Variants in PRKCB observed in about 807,000 individuals in gnomAD.
PRKCB encodes the protein protein kinase C beta, also known as protein kinase C beta type.
Under a neutral mutation model 81.5 loss-of-function variants are expected in PRKCB, and 13 were observed. The observed-to-expected ratio is 0.16, with a 90% CI of 0.10 to 0.25. The LOEUF (loss-of-function observed/expected upper bound fraction) is 0.25. Ranked by LOEUF, PRKCB falls within the 10% of genes least tolerant of loss-of-function variation. The probability of loss-of-function intolerance (pLI) is 1.00; values close to 1 mark genes in which losing one functional copy is unlikely to be tolerated. For missense variants in PRKCB, 509 were observed against 875.7 expected (o/e 0.58, Z 5.29); for synonymous variants, 335 against 321.4 (o/e 1.04, Z -0.45).
chr16:23,886,542 A>G (rs1963206205), intron 2 of PRKCB, among the ~76,000 whole-genome samples: 1 of 149,814 alleles, frequency 6.7e-6, no homozygotes, highest in Non-Finnish European at 1.5e-5. Flanking sequence ...CCTCCTGAGT[A>G]GCTGGGATTA....
At chr16:24,109,851 T>C (rs1966648799) in intron 7 of PRKCB, among the ~76,000 whole-genome samples, 1 of 130,282 alleles carries the variant, frequency 7.7e-6, no homozygotes, top group East Asian at 2.1e-4. Context: ...CCATCTGCAA[T>C]CCCGGCACCT....
In PRKCB at chr16:24,202,015, A is replaced by G. The variant is rs1290596972; in HGVS notation, c.1863+10785A>G. The stretch of plus-strand genomic sequence containing the variant: ...AGCGCCACTGCAGTCCAGCCTGGGC[A>G]AAAGAGCGAGACTCCGTCTCAAAAA... On this transcript the variant is annotated intron_variant, in intron 16 of 16. Coordinates refer to ENST00000643927, the MANE Select transcript of PRKCB (RefSeq NM_002738.7). Among the ~76,000 whole-genome samples the G allele has an allele frequency of 2.7e-5, 4 of 150,930 alleles. No homozygotes were observed. The East Asian group carries it at 7.8e-4, about 30-fold the overall frequency.
At chr16:23,943,479 T>A (rs971506181) in intron 2 of PRKCB, among the ~76,000 whole-genome samples, 1 of 152,120 alleles carries the variant, frequency 6.6e-6, no homozygotes, top group Non-Finnish European at 1.5e-5. Flanking sequence ...CAGTGAGCCA[T>A]GATTGTGCCA....
chr16:24,174,420 T>C, intron 11 of PRKCB, 98 bp from the exon 12 acceptor site: 1 of 1,084,744 alleles, frequency 9.2e-7, no homozygotes, highest in South Asian at 1.4e-5. Flanking sequence ...TTCTTTAATG[T>C]CCTACACCTA....
chr16:23,923,830 G>A (rs1226158305), intron 2 of PRKCB, among the ~76,000 whole-genome samples: 1 of 152,038 alleles, frequency 6.6e-6, no homozygotes, highest in African/African-American at 2.4e-5. Context: ...TAAGGGAAGG[G>A]ATTGCTCATT....
chr16:24,083,029 A>G (rs1966269567), intron 5 of PRKCB, among the ~76,000 whole-genome samples: 1 of 152,190 alleles, frequency 6.6e-6, no homozygotes, highest in Non-Finnish European at 1.5e-5. Flanking sequence ...TAAAAACCTG[A>G]ACAAACACTT....
At chr16:24,102,615 A>G (rs1454356873) in intron 7 of PRKCB, among the ~76,000 whole-genome samples, 1 of 152,224 alleles carries the variant, frequency 6.6e-6, no homozygotes. Flanking sequence ...CTCTTGGCCA[A>G]CTGCCCTGTA....
At chr16:24,010,083 G>C (rs1965181656) in intron 3 of PRKCB, among the ~76,000 whole-genome samples, 1 of 152,048 alleles carries the variant, frequency 6.6e-6, no homozygotes, top group South Asian at 2.1e-4. Context: ...TGTGTGTGTG[G>C]CCACATGATA....
intron 3 of PRKCB, among the ~76,000 whole-genome samples, chr16:24,021,064 C>CTCCT (rs1965369263): frequency 1.6e-5 from 1 of 62,442 alleles, no homozygotes; most frequent in African/African-American, 6.4e-5. Context: ...CTTTCCCTCC[C>CTCCT]TCCCTCCCTT....
intron 5 of PRKCB, among the ~76,000 whole-genome samples, chr16:24,064,900 T>C (rs1271718185): frequency 2.7e-5 from 4 of 150,718 alleles, no homozygotes; most frequent in African/African-American, 7.3e-5. Context: ...TGATGTTTTA[T>C]GATGTGTGTG....
chr16:24,017,293 G>A (rs1310235134), intron 3 of PRKCB, among the ~76,000 whole-genome samples: 1 of 152,190 alleles, frequency 6.6e-6, no homozygotes, highest in East Asian at 1.9e-4. Context: ...TCATACATTT[G>A]CTGTCTAAAC....
At chr16:23,864,182 CA>C (rs1299392711) in intron 2 of PRKCB, among the ~76,000 whole-genome samples, 1 of 152,300 alleles carries the variant, frequency 6.6e-6, no homozygotes, top group East Asian at 1.9e-4. Context: ...GAAGTAGAGG[CA>C]TTTCTACTTC....
At chr16:24,154,901 A>C (rs1259736280) in intron 10 of PRKCB, 44 bp downstream of exon 10, 17 of 1,584,490 alleles carry the variant, frequency 1.1e-5, no homozygotes, top group Non-Finnish European at 1.5e-5. Flanking sequence ...CCAGGGCTTC[A>C]CCAGGCTTTG....
chr16:23,943,308 T>C (rs7201396), intron 2 of PRKCB, among the ~76,000 whole-genome samples: 3,018 of 152,226 alleles, frequency 0.02, 109 homozygotes, highest in African/African-American at 0.067. Flanking sequence ...GAAGATCACT[T>C]GAGGTCAGGA....
intron 5 of PRKCB, among the ~76,000 whole-genome samples, chr16:24,078,296 C>T (rs1227801222): frequency 6.6e-6 from 1 of 152,238 alleles, no homozygotes; most frequent in East Asian, 1.9e-4. Flanking sequence ...ATTTACTCAG[C>T]ACCCAAGCAA....
intron 2 of PRKCB, among the ~76,000 whole-genome samples, chr16:23,977,717 A>G (rs1037530868): frequency 4.6e-5 from 7 of 152,166 alleles, no homozygotes; most frequent in African/African-American, 1.7e-4. Flanking sequence ...TAATGTTGGA[A>G]TTTTGAAGCC....
At chr16:24,012,764 G>A (rs1242504964) in intron 3 of PRKCB, among the ~76,000 whole-genome samples, 1 of 152,224 alleles carries the variant, frequency 6.6e-6, no homozygotes, top group Non-Finnish European at 1.5e-5. Flanking sequence ...CCTGTTGGAA[G>A]ATACAGGATA....
chr16:23,875,409 T>C (rs977710576), intron 2 of PRKCB, among the ~76,000 whole-genome samples: 12 of 151,778 alleles, frequency 7.9e-5, no homozygotes, highest in Non-Finnish European at 1.5e-4. Context: ...GGACCCTTTT[T>C]AGCAGAGCTT....
intron 16 of PRKCB, among the ~76,000 whole-genome samples, chr16:24,200,041 A>G (rs1259048446): frequency 6.6e-6 from 1 of 152,258 alleles, no homozygotes; most frequent in Non-Finnish European, 1.5e-5. Context: ...ACAAATAAGT[A>G]GCATCTTCAC....
Sources: gnomAD v4.1 joint callset for allele counts (sites outside exome capture counted in the v4.1 genomes callset) on GRCh38, gnomAD v4.1.1 for gene constraint, MANE v1.5 for transcripts, NCBI Gene and HGNC (gene_info 2026-07-23, HGNC 2026-07-21) for gene names.